BICC1: variants seen among roughly 807,000 people sequenced by gnomAD.
BICC1 encodes the protein BicC family RNA binding protein 1, also known as protein bicaudal C homolog 1.
BICC1 carries 43 observed loss-of-function variants against 111.0 expected under a neutral mutation model. The ratio of observed to expected loss-of-function variants is 0.39; its 90% confidence interval spans 0.30 to 0.50. BICC1 has a LOEUF of 0.50. Ranked by LOEUF, BICC1 falls within the 20% of genes least tolerant of loss-of-function variation. The pLI, the probability that BICC1 is intolerant of heterozygous loss-of-function variation, is 0.88. For synonymous variants in BICC1, 467 were observed against 434.4 expected (o/e 1.07, Z -0.93); for missense variants, 1,091 against 1,203.2 (o/e 0.91, Z 1.38).
Position 58,760,125 on chromosome 10 carries a change from C to T in BICC1, c.308-24876C>T, listed in dbSNP as rs528364102. On this transcript the variant is annotated intron_variant, in intron 3 of 20. Transcript: ENST00000373886. ...GTTTTTGGTTTTAATAGTAATTCCA[C>T]TGTGAATTTGTATGTTGTGGAATGA... Among the ~76,000 whole-genome samples, 43 of 152,266 alleles carry T rather than the reference C, an allele frequency of 2.8e-4. 1 individual carries two copies. The South Asian group carries it at 8.9e-3, about 32-fold the overall frequency.
intron 2 of BICC1, among the ~76,000 whole-genome samples, chr10:58,621,903 T>TGAGAATAGAATAGAA (rs1845820766): frequency 2.2e-5 from 1 of 44,742 alleles, no homozygotes; most frequent in Non-Finnish European, 4.2e-5. Context: ...GTCTCTAAAA[T>TGAGAATAGAATAGAA]TAGAATAGAA....
At chr10:58,606,295 G>T (rs1258954085) in intron 1 of BICC1, among the ~76,000 whole-genome samples, 1 of 152,028 alleles carries the variant, frequency 6.6e-6, no homozygotes, top group East Asian at 1.9e-4. Flanking sequence ...AATCCAAGTA[G>T]TAGGGAGGTA....
chr10:58,719,954 G>A (rs2132519053), intron 3 of BICC1, among the ~76,000 whole-genome samples: 1 of 152,282 alleles, frequency 6.6e-6, no homozygotes, highest in East Asian at 1.9e-4. Flanking sequence ...GAGTATGTCT[G>A]AAACAAGACT....
chr10:58,675,070 G>A (rs990418533), intron 2 of BICC1, among the ~76,000 whole-genome samples: 5 of 152,306 alleles, frequency 3.3e-5, no homozygotes, highest in South Asian at 4.1e-4. Context: ...ATAGAAGATT[G>A]TCTTGGATTA....
chr10:58,527,892 A>G (rs554782297), intron 1 of BICC1, among the ~76,000 whole-genome samples: 4 of 152,080 alleles, frequency 2.6e-5, no homozygotes, highest in African/African-American at 4.8e-5. Flanking sequence ...TCTGCCTTCT[A>G]CTAGCTTTGG....
chr10:58,614,011 T>C (rs188485323), intron 1 of BICC1, among the ~76,000 whole-genome samples: 19 of 152,346 alleles, frequency 1.2e-4, no homozygotes, highest in Admixed American at 1.2e-3. Flanking sequence ...TAATTTTATA[T>C]TGAGAAAAAT....
intron 1 of BICC1, among the ~76,000 whole-genome samples, chr10:58,567,490 G>A (rs1843805648): frequency 6.6e-6 from 1 of 151,580 alleles, no homozygotes; most frequent in Non-Finnish European, 1.5e-5. Context: ...ATAAATACAT[G>A]TATGTCTTTT....
At chr10:58,699,678 A>G (rs1364953584) in intron 2 of BICC1, among the ~76,000 whole-genome samples, 2 of 151,932 alleles carry the variant, frequency 1.3e-5, no homozygotes, top group Non-Finnish European at 2.9e-5. Flanking sequence ...TTATAGTAAG[A>G]TCTTATTTTT....
intron 1 of BICC1, among the ~76,000 whole-genome samples, chr10:58,590,244 A>G (rs568670882): frequency 1.2e-4 from 18 of 152,292 alleles, no homozygotes; most frequent in African/African-American, 4.3e-4. Flanking sequence ...GTTGCTGACT[A>G]AGGACTAAGT....
intron 3 of BICC1, among the ~76,000 whole-genome samples, chr10:58,781,403 TACAAA>T (rs2132767182): frequency 6.6e-6 from 1 of 152,300 alleles, no homozygotes; most frequent in East Asian, 1.9e-4. Context: ...CTGTGGTAGT[TACAAA>T]ACCAAATTAA....
chr10:58,730,491 ACAG>A (rs1352178512), intron 3 of BICC1, among the ~76,000 whole-genome samples: 1 of 151,976 alleles, frequency 6.6e-6, no homozygotes, highest in African/African-American at 2.4e-5. Flanking sequence ...CCTTCTACTC[ACAG>A]CTCCACTAGG....
chr10:58,694,222 T>C (rs1418788480), intron 2 of BICC1, among the ~76,000 whole-genome samples: 1 of 152,184 alleles, frequency 6.6e-6, no homozygotes, highest in Non-Finnish European at 1.5e-5. Context: ...TTGGTCAGTT[T>C]CCCCTTTTGA....
chr10:58,692,457 A>G (rs1046175349), intron 2 of BICC1, among the ~76,000 whole-genome samples: 11 of 152,214 alleles, frequency 7.2e-5, no homozygotes, highest in Non-Finnish European at 2.9e-5. Context: ...CAATGGGAAC[A>G]TTAATTGATC....
chr10:58,807,309 A>T (rs1843740014), intron 17 of BICC1, 151 bp downstream of exon 17: 2 of 675,512 alleles, frequency 3.0e-6, no homozygotes, highest in African/African-American at 3.7e-5. Flanking sequence ...CACTGTTATA[A>T]AACTGATGCA....
intron 2 of BICC1, among the ~76,000 whole-genome samples, chr10:58,671,534 C>A (rs1839185398): frequency 6.6e-6 from 1 of 152,092 alleles, no homozygotes; most frequent in Non-Finnish European, 1.5e-5. Context: ...TTGGGTGTTA[C>A]CTGTCTTCAA....
At chr10:58,704,910 C>T (rs1198700068) in intron 3 of BICC1, among the ~76,000 whole-genome samples, 1 of 152,190 alleles carries the variant, frequency 6.6e-6, no homozygotes, top group Non-Finnish European at 1.5e-5. Flanking sequence ...CAGTTTGCCC[C>T]CTTCTTTACC....
chr10:58,599,929 G>GGT (rs59937252), intron 1 of BICC1, among the ~76,000 whole-genome samples: 42,830 of 149,450 alleles, frequency 0.29, 6,243 homozygotes, highest in East Asian at 0.45. Context: ...AACTAAAGAG[G>GGT]GTGTGTGTGT....
chr10:58,701,988 A>C lies in BICC1; in HGVS notation c.238-86A>C, dbSNP rs1589039211. On this transcript the variant is annotated intron_variant, in intron 2 of 20. Transcript: ENST00000373886. ...GTATGAACATGAACTTAGGAACTTGAAAATAAACTTTTTTGTGTGTGAAAA... is the reference window on the plus strand; with the variant it reads ...GTATGAACATGAACTTAGGAACTTGCAAATAAACTTTTTTGTGTGTGAAAA... 2.9e-6 allele frequency: 3 copies of C among 1,031,214 alleles called. No homozygotes were observed. The East Asian group carries it at 8.0e-5, about 27-fold the overall frequency. The allele number at this position is 1,031,214 out of a possible 1,614,324, so 63.9% of individuals were successfully genotyped here. A position where few individuals can be genotyped will look rare whatever the true frequency, so the allele number is the denominator to read the frequency against.
chr10:58,741,709 T>C (rs1841672370), intron 3 of BICC1, among the ~76,000 whole-genome samples: 1 of 152,216 alleles, frequency 6.6e-6, no homozygotes, highest in Non-Finnish European at 1.5e-5. Context: ...AAGGATTGTG[T>C]ACCTAGTAAG....
Sources: allele counts gnomAD v4.1 joint callset (sites outside exome capture counted in the v4.1 genomes callset), GRCh38; gene constraint gnomAD v4.1.1; transcripts MANE v1.5; gene names NCBI Gene and HGNC (gene_info 2026-07-23, HGNC 2026-07-21).